Variants in CTNNA2 observed in about 807,000 individuals in gnomAD.
The protein encoded by CTNNA2 is catenin alpha 2, also known as catenin alpha-2.
Under a neutral mutation model 101.0 loss-of-function variants are expected in CTNNA2, and 42 were observed. That is an observed-to-expected ratio of 0.42 (90% confidence interval 0.32 to 0.54). CTNNA2 has a LOEUF of 0.54. CTNNA2 is among the 20% of genes least tolerant of loss of function. The probability of loss-of-function intolerance (pLI) is 0.14; values close to 1 mark genes in which losing one functional copy is unlikely to be tolerated. For synonymous variants in CTNNA2, 450 were observed against 456.4 expected, an observed-to-expected ratio of 0.99 and a Z score of 0.18; for missense variants, 871 against 1,223.1, an observed-to-expected ratio of 0.71 and a Z score of 4.29.
chr2:79,812,026 C>G, intron 3 of CTNNA2, among the ~76,000 whole-genome samples: 1 of 152,056 alleles, frequency 6.6e-6, no homozygotes, highest in East Asian at 1.9e-4. Flanking sequence ...TTTACTGATT[C>G]TATATAGAAA....
At chr2:80,111,565 A>G (rs1487976463) in intron 7 of CTNNA2, among the ~76,000 whole-genome samples, 1 of 152,106 alleles carries the variant, frequency 6.6e-6, no homozygotes, top group Non-Finnish European at 1.5e-5. Context: ...TTGAGACAGG[A>G]TCTAGCTTCT....
At chr2:79,195,908 G>T (rs147373952) in intron 1 of CTNNA2, 1 of 479,934 alleles carries the variant, frequency 2.1e-6, no homozygotes, top group Non-Finnish European at 4.1e-6. Context: ...GCAGAGGTAG[G>T]GTGGAAAGTA....
chr2:80,317,676 A>C (rs1678261977), intron 7 of CTNNA2, among the ~76,000 whole-genome samples: 1 of 152,172 alleles, frequency 6.6e-6, no homozygotes, highest in Non-Finnish European at 1.5e-5. Flanking sequence ...GTTTGCGTAG[A>C]AAAAGAACAG....
chr2:80,551,012 A>C (rs981004272), intron 11 of CTNNA2, among the ~76,000 whole-genome samples: 2 of 152,188 alleles, frequency 1.3e-5, no homozygotes, highest in Admixed American at 6.5e-5. Flanking sequence ...CTAAATAATA[A>C]GACTTGAAAG....
intron 1 of CTNNA2, among the ~76,000 whole-genome samples, chr2:79,545,849 AAT>A: frequency 6.6e-6 from 1 of 152,346 alleles, no homozygotes; most frequent in Non-Finnish European, 1.5e-5. Flanking sequence ...AATATGAATA[AAT>A]ATAACTAGTA....
intron 4 of CTNNA2, among the ~76,000 whole-genome samples, chr2:79,482,318 C>T (rs1240652815): frequency 6.6e-6 from 1 of 152,146 alleles, no homozygotes; most frequent in Non-Finnish European, 1.5e-5. Flanking sequence ...CTTCACCTTT[C>T]TTCCATACAT....
intron 2 of CTNNA2, among the ~76,000 whole-genome samples, chr2:79,251,920 T>A (rs1674776857): frequency 6.6e-6 from 1 of 152,234 alleles, no homozygotes; most frequent in Admixed American, 6.5e-5. Context: ...CGCCACTGAT[T>A]GCGGCGTACA....
chr2:79,485,457 C>T (rs1209821682), intron 4 of CTNNA2, among the ~76,000 whole-genome samples: 1 of 152,192 alleles, frequency 6.6e-6, no homozygotes, highest in African/African-American at 2.4e-5. Flanking sequence ...TTGGGACAAT[C>T]ATAAGAAACT....
intron 3 of CTNNA2, among the ~76,000 whole-genome samples, chr2:79,322,102 G>C (rs1301277295): frequency 1.3e-5 from 2 of 152,182 alleles, no homozygotes; most frequent in Admixed American, 6.5e-5. Context: ...ATTCAAAACT[G>C]TAATAAAGCT....
intron 4 of CTNNA2, among the ~76,000 whole-genome samples, chr2:79,502,873 G>T (rs775929287): frequency 6.6e-6 from 1 of 152,180 alleles, no homozygotes; most frequent in Non-Finnish European, 1.5e-5. Flanking sequence ...CATCTAGATT[G>T]CAATTTCCTA....
At chr2:80,590,875 T>G (rs905717558) in intron 15 of CTNNA2, among the ~76,000 whole-genome samples, 1 of 152,194 alleles carries the variant, frequency 6.6e-6, no homozygotes, top group Admixed American at 6.5e-5. Flanking sequence ...TCTGAGCCAT[T>G]ATTTCAGCCT....
At chr2:79,741,928 G>A (rs184845629) in intron 2 of CTNNA2, among the ~76,000 whole-genome samples, 129 of 152,124 alleles carry the variant, frequency 8.5e-4, no homozygotes, top group African/African-American at 3.0e-3. Flanking sequence ...ATTATGACAT[G>A]AGCCTTTATG....
chr2:79,257,113 G>A (rs886124286), intron 2 of CTNNA2, among the ~76,000 whole-genome samples: 4 of 152,274 alleles, frequency 2.6e-5, no homozygotes, highest in African/African-American at 7.2e-5. Flanking sequence ...ATACGTGGAC[G>A]TTCACTTTAC....
chr2:79,477,744 A>G (rs1182492843), intron 4 of CTNNA2, among the ~76,000 whole-genome samples: 1 of 152,198 alleles, frequency 6.6e-6, no homozygotes, highest in Non-Finnish European at 1.5e-5. Flanking sequence ...CCATGAATGA[A>G]GGTAATCACA....
chr2:79,358,207 T>C (rs982973173), intron 3 of CTNNA2, among the ~76,000 whole-genome samples: 2 of 151,022 alleles, frequency 1.3e-5, no homozygotes, highest in Non-Finnish European at 3.0e-5. Context: ...TTTTCTTCTT[T>C]TTTTTTTTTT....
rs183905948 is a variant in CTNNA2, at chr2:79,777,580, T to C, written c.298+32998T>C. Among the ~76,000 whole-genome samples the C allele has an allele frequency of 2.5e-3, 386 of 152,268 alleles. 1 individual carries two copies. The highest frequency in any genetic ancestry group is 4.6e-3 in the Non-Finnish European group (312 of 68,026). On this transcript the variant is annotated intron_variant, in intron 3 of 18. Transcript: ENST00000402739. ...CTTACTTCACCACTGCAATGTTTTG[T>C]GTCCAGCAGAGAGCTTGCCCCATTC... is the stretch of plus-strand genomic sequence containing the variant.
chr2:79,786,134 A>C (rs975051), intron 3 of CTNNA2, among the ~76,000 whole-genome samples: 4 of 151,952 alleles, frequency 2.6e-5, no homozygotes, highest in African/African-American at 9.7e-5. Flanking sequence ...AACACTAACA[A>C]GTGCTTCAGT....
chr2:79,212,760 C>A (rs561088740), intron 2 of CTNNA2, among the ~76,000 whole-genome samples: 111 of 152,246 alleles, frequency 7.3e-4, no homozygotes, highest in Middle Eastern at 3.4e-3. Flanking sequence ...TCTACCTAGA[C>A]TAAGAGGTAT....
intron 18 of CTNNA2, among the ~76,000 whole-genome samples, chr2:80,636,767 C>T (rs1672928004): frequency 6.6e-6 from 1 of 152,118 alleles, no homozygotes; most frequent in Non-Finnish European, 1.5e-5. Context: ...GATTGCCTTT[C>T]CTACACCTTC....
Sources: allele counts gnomAD v4.1 joint callset (sites outside exome capture counted in the v4.1 genomes callset), GRCh38; gene constraint gnomAD v4.1.1; transcripts MANE v1.5; gene names NCBI Gene and HGNC (gene_info 2026-07-23, HGNC 2026-07-21).